The following UTS2 variants were observed in gnomAD, a reference collection of about 807,000 sequenced individuals.
The protein encoded by UTS2 is urotensin-2.
A neutral mutation model predicts 12.6 loss-of-function variants in UTS2; 10 were observed. The observed-to-expected ratio is 0.80, with a 90% CI of 0.49 to 1.35. The LOEUF (loss-of-function observed/expected upper bound fraction) is 1.35, where lower values mean the gene tolerates loss of function less well. Among genes scored for constraint, UTS2 ranks in the 40% most tolerant of loss-of-function variants. UTS2 has a pLI of 0.00. For synonymous variants in UTS2, 52 were observed against 50.0 expected (o/e 1.04, Z -0.17); for missense variants, 142 against 143.2 (o/e 0.99, Z 0.04).
rs1179277703 is a variant in UTS2, at chr1:7,847,766, T to TCAGA, written c.371_374dup (p.Ter125CysfsTer4). The TCAGA allele has an allele frequency of 3.7e-6, 6 of 1,607,514 alleles. No individual in the cohort carries two copies. The highest frequency in any genetic ancestry group is 2.6e-6 in the Non-Finnish European group (3 of 1,175,476). On this transcript the variant is annotated frameshift_variant and stop_lost, in exon 4 of 4. Coordinates refer to ENST00000361696, the MANE Select transcript of UTS2 (RefSeq NM_006786.4). LOFTEE classifies it high-confidence loss of function. ...CTGACTAACAGATGCTTATTTCACT[T>TCAGA]CAGACACAGTATTTCCAGAAGCAAT... is the stretch of plus-strand genomic sequence containing the variant.
the UTS2 span, among the ~76,000 whole-genome samples, chr1:7,883,405 T>C: frequency 6.6e-6 from 1 of 151,684 alleles, no homozygotes; most frequent in Non-Finnish European, 1.5e-5. Flanking sequence ...TGAAGAGAGG[T>C]TGGTTAATGG....
At chr1:7,866,088 C>CA in the UTS2 span, among the ~76,000 whole-genome samples, 1 of 152,190 alleles carries the variant, frequency 6.6e-6, no homozygotes, top group African/African-American at 2.4e-5. The surrounding 1 kb of genome is among the most constrained non-coding windows in gnomAD (Gnocchi z 4.5). Context: ...GGCTCTGGGC[C>CA]AGGGTTGGAG....
At chr1:7,868,437 G>T in the UTS2 span, among the ~76,000 whole-genome samples, 9 of 152,184 alleles carry the variant, frequency 5.9e-5, no homozygotes, top group African/African-American at 2.2e-4. Context: ...TATTGAGGCA[G>T]CCTGCAAGCA....
At chr1:7,889,390 C>T in the UTS2 span, among the ~76,000 whole-genome samples, 2 of 140,464 alleles carry the variant, frequency 1.4e-5, no homozygotes, top group Non-Finnish European at 3.0e-5. Context: ...TGCAGTGAGC[C>T]GAGATTGCAC....
upstream of UTS2, among the ~76,000 whole-genome samples, chr1:7,856,225 G>A (rs1303453149): frequency 6.6e-6 from 1 of 152,074 alleles, no homozygotes; most frequent in Admixed American, 6.6e-5. Context: ...GGGAGTCTCT[G>A]TTTAGGGGAA....
the UTS2 span, among the ~76,000 whole-genome samples, chr1:7,911,105 T>A: frequency 1.3e-5 from 2 of 152,006 alleles, no homozygotes; most frequent in Admixed American, 1.3e-4. Context: ...TAAGGAGGAA[T>A]TGGGACCCAA....
At chr1:7,884,243 CATTA>C in the UTS2 span, among the ~76,000 whole-genome samples, 1 of 151,620 alleles carries the variant, frequency 6.6e-6, no homozygotes, top group East Asian at 1.9e-4. Flanking sequence ...CAATGCTCAG[CATTA>C]ATTAAAGAAC....
At chr1:7,885,908 T>TGGGGGGGGGGGGGGGG in the UTS2 span, among the ~76,000 whole-genome samples, 1 of 13,990 alleles carries the variant, frequency 7.1e-5, no homozygotes, top group Admixed American at 9.0e-4. Context: ...GGGGGTGGGG[T>TGGGGGGGGGGGGGGGG]GGGGGGGGGC....
the UTS2 span, among the ~76,000 whole-genome samples, chr1:7,864,734 C>T: frequency 1.3e-5 from 2 of 152,202 alleles, no homozygotes; most frequent in Admixed American, 1.3e-4. Flanking sequence ...AGTATCAGTA[C>T]CCCCTGCACT....
intron 2 of UTS2, among the ~76,000 whole-genome samples, chr1:7,849,896 C>G (rs111328374): frequency 2.0e-5 from 3 of 152,160 alleles, no homozygotes; most frequent in Admixed American, 6.6e-5. Flanking sequence ...CTTCGCAGTC[C>G]AGTAGCTCGT....
chr1:7,854,661 A>G (rs576485585), upstream of UTS2, among the ~76,000 whole-genome samples: 1 of 152,282 alleles, frequency 6.6e-6, no homozygotes, highest in Non-Finnish European at 1.5e-5. Flanking sequence ...TTGAGACAGG[A>G]GGAATAAGTT....
chr1:7,905,915 C>T, the UTS2 span, among the ~76,000 whole-genome samples: 2 of 135,262 alleles, frequency 1.5e-5, no homozygotes, highest in Non-Finnish European at 1.6e-5. Context: ...AGTGTCTTGC[C>T]GGGTGAGGGG....
At chr1:7,863,042 T>TGTATTGTATTGTA in the UTS2 span, among the ~76,000 whole-genome samples, 1 of 28,786 alleles carries the variant, frequency 3.5e-5, no homozygotes, top group Non-Finnish European at 9.3e-5. Flanking sequence ...TGTATTGTAT[T>TGTATTGTATTGTA]GTATTGTATT....
At chr1:7,911,516 C>T in the UTS2 span, among the ~76,000 whole-genome samples, 1 of 152,108 alleles carries the variant, frequency 6.6e-6, no homozygotes, top group Non-Finnish European at 1.5e-5. Flanking sequence ...CCCTCTGCTA[C>T]GAAAAGGTGG....
chr1:7,858,085 T>C (rs1578031823), upstream of UTS2, among the ~76,000 whole-genome samples: 2 of 152,290 alleles, frequency 1.3e-5, no homozygotes, highest in South Asian at 2.1e-4. Flanking sequence ...AGCTTTGTCA[T>C]TCCCTGGTGA....
At chr1:7,864,393 G>C in the UTS2 span, among the ~76,000 whole-genome samples, 1 of 152,064 alleles carries the variant, frequency 6.6e-6, no homozygotes, top group Non-Finnish European at 1.5e-5. Context: ...TCAATCCTCT[G>C]TCCCTCCCAA....
the UTS2 span, among the ~76,000 whole-genome samples, chr1:7,875,114 G>A: frequency 6.8e-5 from 10 of 147,714 alleles, no homozygotes; most frequent in Non-Finnish European, 1.3e-4. Context: ...TCACTCTGTC[G>A]CCCAGGCTGG....
At chr1:7,863,107 T>C in the UTS2 span, among the ~76,000 whole-genome samples, 1,623 of 133,168 alleles carry the variant, frequency 0.012, 76 homozygotes, top group African/African-American at 0.049. Context: ...TGTATTGTAT[T>C]GTATTGTATT....
the UTS2 span, among the ~76,000 whole-genome samples, chr1:7,858,662 C>A: frequency 6.6e-6 from 1 of 152,114 alleles, no homozygotes; most frequent in Non-Finnish European, 1.5e-5. Flanking sequence ...CTGCAACCAC[C>A]ACCTCCAGGG....
Sources: gnomAD v4.1 joint callset for allele counts (sites outside exome capture counted in the v4.1 genomes callset) on GRCh38, gnomAD v4.1.1 for gene constraint, Gnocchi (gnomAD v3.1) non-coding constraint, MANE v1.5 for transcripts, NCBI Gene and HGNC (gene_info 2026-07-23, HGNC 2026-07-21) for gene names.